PDZD9: variants seen among roughly 807,000 people sequenced by gnomAD.
PDZD9 encodes the protein PDZ domain-containing protein 9.
PDZD9 carries 13 observed loss-of-function variants against 16.3 expected under a neutral mutation model. The observed-to-expected ratio is 0.80, with a 90% CI of 0.52 to 1.27. The LOEUF (loss-of-function observed/expected upper bound fraction) is 1.27, where lower values mean the gene tolerates loss of function less well. PDZD9 is among the 50% of genes most tolerant of loss of function. PDZD9 has a pLI of 0.00. For synonymous variants in PDZD9, 120 were observed against 111.0 expected (o/e 1.08, Z -0.51); for missense variants, 288 against 310.9 (o/e 0.93, Z 0.55).
At chr16:21,976,077 C>T in the PDZD9 span, 3 of 804,142 alleles carry the variant, frequency 3.7e-6, no homozygotes, top group Non-Finnish European at 6.4e-6. Context: ...AACCTTCCAT[C>T]TGTGTTTTTG....
chr16:21,989,342 G>T lies in PDZD9; in HGVS notation c.212-551C>A, dbSNP rs145469611. Among the ~76,000 whole-genome samples the T allele has an allele frequency of 4.2e-3, 644 of 152,208 alleles. 4 individuals carry two copies. Among genetic ancestry groups the T allele is most frequent in the African/African-American group, 0.014 (595 of 41,524 alleles). On this transcript the variant is annotated intron_variant, in intron 2 of 3. Coordinates refer to ENST00000424898, the MANE Select transcript of PDZD9 (RefSeq NM_001363519.1). ...AGCAGTATATTGGTAGACATTATATGATGTTTTTGAGACGTTTCTGAAGTT... is the reference window on the plus strand; with the variant it reads ...AGCAGTATATTGGTAGACATTATATTATGTTTTTGAGACGTTTCTGAAGTT...
the PDZD9 span, among the ~76,000 whole-genome samples, chr16:21,978,184 T>C: frequency 6.6e-6 from 1 of 152,174 alleles, no homozygotes; most frequent in East Asian, 1.9e-4. Context: ...CTTCCTGTAG[T>C]GAAAGAGAGA....
At chr16:21,998,385 A>C (rs1899202047) in intron 1 of PDZD9, 2 of 200,164 alleles carry the variant, frequency 1.0e-5, no homozygotes, top group Non-Finnish European at 2.1e-5. Flanking sequence ...AAACACAAGT[A>C]CATCTTGAAA....
At chr16:21,982,960 C>A (rs536937168), downstream of PDZD9, 19 of 823,652 alleles carry the variant, frequency 2.3e-5, no homozygotes, top group South Asian at 3.5e-4. Context: ...CGAGACTCCA[C>A]CTCAAAAAAA....
chr16:22,000,919 C>T, intron 1 of PDZD9, 98 bp downstream of exon 1: 1 of 1,265,528 alleles, frequency 7.9e-7, no homozygotes, highest in Non-Finnish European at 1.1e-6. Context: ...AGGTTATCTC[C>T]CAGGCCAAGA....
chr16:21,965,456 A>C, the PDZD9 span: 1 of 1,613,966 alleles, frequency 6.2e-7, no homozygotes, highest in Middle Eastern at 1.7e-4. Flanking sequence ...GCCTTGGCTA[A>C]TCCCTTGTAT....
At chr16:21,984,907 T>C (rs964662441) in intron 3 of PDZD9, among the ~76,000 whole-genome samples, 1 of 152,238 alleles carries the variant, frequency 6.6e-6, no homozygotes, top group Admixed American at 6.5e-5. Flanking sequence ...CACAGACTTA[T>C]ACTAGACTAC....
downstream of PDZD9, chr16:21,980,813 T>C: frequency 7.9e-7 from 1 of 1,260,114 alleles, no homozygotes; most frequent in East Asian, 2.5e-5. Context: ...TGTTTGGTGC[T>C]CATCTACTTA....
intron 2 of PDZD9, among the ~76,000 whole-genome samples, chr16:21,994,187 C>A (rs1899089920): frequency 6.6e-6 from 1 of 152,122 alleles, no homozygotes; most frequent in Non-Finnish European, 1.5e-5. Context: ...CAGAGTGATA[C>A]CCCATCTATC....
chr16:21,970,645 G>T, the PDZD9 span, among the ~76,000 whole-genome samples: 1 of 152,122 alleles, frequency 6.6e-6, no homozygotes, highest in African/African-American at 2.4e-5. Context: ...GAGTGCAGTG[G>T]CGCAATCTCA....
At chr16:21,980,137 C>A (rs1041471729), downstream of PDZD9, 6 of 179,752 alleles carry the variant, frequency 3.3e-5, no homozygotes, top group Non-Finnish European at 7.2e-5. Context: ...GCAGAGAGAT[C>A]TTCCTCACTG....
the PDZD9 span, among the ~76,000 whole-genome samples, chr16:21,960,026 T>G: frequency 6.6e-6 from 1 of 152,200 alleles, no homozygotes; most frequent in East Asian, 1.9e-4. Context: ...CTCTAGGATT[T>G]TGAGAATGGT....
chr16:21,973,845 C>T, the PDZD9 span: 5 of 1,540,516 alleles, frequency 3.2e-6, no homozygotes, highest in Admixed American at 1.9e-5. Context: ...AGAAATCGTG[C>T]CCTGTTTTAC....
At chr16:21,971,174 T>C in the PDZD9 span, among the ~76,000 whole-genome samples, 1 of 152,206 alleles carries the variant, frequency 6.6e-6, no homozygotes, top group Non-Finnish European at 1.5e-5. Context: ...AGGGATTCTT[T>C]ATAACCATTA....
At position 21,996,395 on chromosome 16, in the gene PDZD9, C is replaced by A. The variant is rs1899151731; in HGVS notation, c.138G>T (p.Gln46His). 1 of 1,535,946 alleles carries A rather than the reference C, an allele frequency of 6.5e-7. No individual in the cohort carries two copies. The highest frequency in any genetic ancestry group is 1.4e-5 in the African/African-American group (1 of 73,040). Residue 46 changes from glutamine to histidine, a missense_variant, in exon 2 of 4, where the codon CAG (glutamine) becomes CAT (histidine). By Grantham distance (24) the Gln-to-His change is conservative. Coordinates refer to ENST00000424898, the MANE Select transcript of PDZD9 (RefSeq NM_001363519.1). Reference protein sequence around the residue: ...GSLGLGLIIIQHGPYLQITHL... With the variant: ...GSLGLGLIIIHHGPYLQITHL... ...GGGTGATCTGGAGGTAGGGTCCATG[C>A]TGGATGATGATGAGGCCTAATCCCA...
At chr16:21,983,261 T>C, downstream of PDZD9, 4 of 1,203,936 alleles carry the variant, frequency 3.3e-6, no homozygotes, top group Non-Finnish European at 4.7e-6. Flanking sequence ...AATATATCAT[T>C]TGTCTTTTTT....
At chr16:21,969,350 A>G in the PDZD9 span, among the ~76,000 whole-genome samples, 111 of 152,164 alleles carry the variant, frequency 7.3e-4, no homozygotes, top group Non-Finnish European at 3.1e-4. Context: ...CCTAGCCAAC[A>G]TGGCGAAACC....
At position 21,984,356 on chromosome 16, in the gene PDZD9, A is replaced by G; in HGVS notation, c.706T>C (p.Ser236Pro). The G allele has an allele frequency of 1.9e-6, 3 of 1,614,152 alleles. No individual in the cohort carries two copies. The highest frequency in any genetic ancestry group is 2.5e-6 in the Non-Finnish European group (3 of 1,179,998). ...AATGCATCTGAGGTAGAGGAGGTAG[A>G]GGAGGAAGAGCTTTCATTGTCTTGC... ...VKQDNESSSS[S>P]TSSTSDAFWL... Residue 236 changes from serine (S) to proline (P), a missense_variant, in exon 4 of 4, where the codon TCT becomes CCT. By Grantham distance (74) the Ser-to-Pro change is moderately conservative (BLOSUM62 -1). Transcript: ENST00000424898.
chr16:21,988,869 G>T, intron 2 of PDZD9, 78 bp from the exon 3 acceptor site: 1 of 1,202,526 alleles, frequency 8.3e-7, no homozygotes, highest in Non-Finnish European at 1.1e-6. Flanking sequence ...TTATTGTGAG[G>T]TATTTCATTT....
Sources: allele counts gnomAD v4.1 joint callset (sites outside exome capture counted in the v4.1 genomes callset), GRCh38; gene constraint gnomAD v4.1.1; transcripts MANE v1.5; gene names NCBI Gene and HGNC (gene_info 2026-07-23, HGNC 2026-07-21).